ANKRD44: variants seen among roughly 807,000 people sequenced by gnomAD.
ANKRD44 encodes the protein serine/threonine-protein phosphatase 6 regulatory ankyrin repeat subunit B.
Under a neutral mutation model 116.0 loss-of-function variants are expected in ANKRD44, and 35 were observed. The observed-to-expected ratio is 0.30, with a 90% CI of 0.23 to 0.40. The LOEUF (loss-of-function observed/expected upper bound fraction) is 0.40. ANKRD44 is among the 10% of genes least tolerant of loss of function. The pLI is 1.00. For missense variants in ANKRD44, 1,014 were observed against 1,242.6 expected, an observed-to-expected ratio of 0.82 and a Z score of 2.77; for synonymous variants, 435 against 461.8, an observed-to-expected ratio of 0.94 and a Z score of 0.74.
chr2:196,967,488 G>A (rs1273555739), intron 21 of ANKRD44: 1 of 452,058 alleles, frequency 2.2e-6, no homozygotes. Flanking sequence ...GAAAAAGTGT[G>A]CAATTATGTT....
intron 20 of ANKRD44, among the ~76,000 whole-genome samples, chr2:197,006,415 G>C (rs762605177): frequency 6.6e-6 from 1 of 152,032 alleles, no homozygotes; most frequent in African/African-American, 2.4e-5. Flanking sequence ...ACTGCACTAC[G>C]GCCTGGGCGA....
intron 8 of ANKRD44, among the ~76,000 whole-genome samples, chr2:197,118,711 A>AT (rs1446941555): frequency 3.9e-5 from 6 of 152,088 alleles, no homozygotes; most frequent in Non-Finnish European, 1.5e-5. Flanking sequence ...CTCTGCAGTG[A>AT]TAATTGTTGC....
intron 26 of ANKRD44, 110 bp downstream of exon 26, chr2:196,995,269 T>G (rs1191653786): frequency 3.1e-6 from 2 of 651,392 alleles, no homozygotes; most frequent in Admixed American, 6.7e-5. Context: ...GACTGCATCT[T>G]TCACCACTGT....
chr2:197,276,586 T>C (rs1291467175), intron 1 of ANKRD44, among the ~76,000 whole-genome samples: 1 of 152,190 alleles, frequency 6.6e-6, no homozygotes, highest in Non-Finnish European at 1.5e-5. Context: ...GTCTTCAATA[T>C]AGCTGTCCCC....
At chr2:197,293,582 A>T (rs1390620178) in intron 1 of ANKRD44, among the ~76,000 whole-genome samples, 4 of 152,180 alleles carry the variant, frequency 2.6e-5, no homozygotes, top group Non-Finnish European at 4.4e-5. Context: ...ACAAAATTCT[A>T]AAAAAAGAAA....
chr2:197,238,862 G>A (rs1404966592), intron 1 of ANKRD44, among the ~76,000 whole-genome samples: 2 of 152,018 alleles, frequency 1.3e-5, no homozygotes, highest in African/African-American at 2.4e-5. Flanking sequence ...GTACCACCAC[G>A]CCTGGCAAAT....
chr2:197,270,229 A>G (rs1454157539), intron 1 of ANKRD44, among the ~76,000 whole-genome samples: 1 of 152,144 alleles, frequency 6.6e-6, no homozygotes, highest in Non-Finnish European at 1.5e-5. Context: ...ATGAGAGTGC[A>G]GGTAAAGATC....
intron 4 of ANKRD44, among the ~76,000 whole-genome samples, chr2:197,133,437 T>C (rs2079137494): frequency 6.6e-6 from 1 of 152,214 alleles, no homozygotes; most frequent in Non-Finnish European, 1.5e-5. Context: ...ATCTAATTCC[T>C]ATAATAAATA....
At chr2:197,291,932 T>C (rs754754787) in intron 1 of ANKRD44, among the ~76,000 whole-genome samples, 40 of 151,914 alleles carry the variant, frequency 2.6e-4, no homozygotes, top group Non-Finnish European at 5.3e-4. Context: ...TGTTTGCTCT[T>C]CTGTCCCTGT....
chr2:197,223,620 C>T (rs2081634140), intron 1 of ANKRD44, among the ~76,000 whole-genome samples: 1 of 152,098 alleles, frequency 6.6e-6, no homozygotes, highest in South Asian at 2.1e-4. Context: ...CATTAATTTC[C>T]TTTTACACAG....
chr2:197,299,894 T>A (rs576426083), intron 1 of ANKRD44, among the ~76,000 whole-genome samples: 62 of 152,290 alleles, frequency 4.1e-4, no homozygotes, highest in Non-Finnish European at 4.4e-4. Flanking sequence ...ATGGCCTACA[T>A]CACCAAACCA....
At chr2:197,001,348 G>A (rs550106703) in intron 22 of ANKRD44, among the ~76,000 whole-genome samples, 33 of 152,346 alleles carry the variant, frequency 2.2e-4, no homozygotes, top group Middle Eastern at 3.4e-3. Flanking sequence ...TACAACATAT[G>A]AAAGATGAAG....
intron 16 of ANKRD44, among the ~76,000 whole-genome samples, chr2:197,045,426 G>A (rs1352783207): frequency 6.6e-6 from 1 of 152,072 alleles, no homozygotes; most frequent in Non-Finnish European, 1.5e-5. Flanking sequence ...CCCACCTGTA[G>A]TGTCATTTTA....
chr2:197,166,227 T>G (rs2080098933), intron 2 of ANKRD44, among the ~76,000 whole-genome samples: 1 of 152,180 alleles, frequency 6.6e-6, no homozygotes, highest in Non-Finnish European at 1.5e-5. Context: ...AGCTTTTGAG[T>G]TGGCAAGCAG....
At chr2:196,967,883 TC>T (rs2075685250) in intron 21 of ANKRD44, among the ~76,000 whole-genome samples, 1 of 151,064 alleles carries the variant, frequency 6.6e-6, no homozygotes, top group East Asian at 1.9e-4. Context: ...GGTGTCTGGG[TC>T]ATTGGGGTGG....
chr2:197,199,420 TTA>T, intron 1 of ANKRD44: 1 of 152,332 alleles, frequency 6.6e-6, no homozygotes, highest in East Asian at 1.9e-4. Flanking sequence ...TATCTTTGTC[TTA>T]TGTTTGCTGG....
intron 16 of ANKRD44, among the ~76,000 whole-genome samples, chr2:197,047,154 GA>G (rs2077017598): frequency 6.6e-6 from 1 of 152,020 alleles, no homozygotes; most frequent in Non-Finnish European, 1.5e-5. Flanking sequence ...AAGTAGATGG[GA>G]TTACAAGCAC....
At chr2:197,114,251 A>C (rs1409675662) in intron 8 of ANKRD44, among the ~76,000 whole-genome samples, 2 of 152,070 alleles carry the variant, frequency 1.3e-5, no homozygotes, top group Admixed American at 1.3e-4. Flanking sequence ...CATCTATTCA[A>C]AGCTTTTATG....
intron 9 of ANKRD44, among the ~76,000 whole-genome samples, chr2:197,100,362 G>A (rs560372782): frequency 6.6e-6 from 1 of 152,286 alleles, no homozygotes; most frequent in East Asian, 1.9e-4. Flanking sequence ...TTGGACCTGG[G>A]AGGCAGAGAT....
Sources: gnomAD v4.1 joint callset for allele counts (sites outside exome capture counted in the v4.1 genomes callset) on GRCh38, gnomAD v4.1.1 for gene constraint, MANE v1.5 for transcripts, NCBI Gene and HGNC (gene_info 2026-07-23, HGNC 2026-07-21) for gene names.